The following FYN variants were observed in gnomAD, a reference collection of about 807,000 sequenced individuals.
The protein encoded by FYN is tyrosine-protein kinase Fyn.
FYN carries 10 observed loss-of-function variants against 70.2 expected under a neutral mutation model. The ratio of observed to expected loss-of-function variants is 0.14; its 90% CI spans 0.09 to 0.24. The LOEUF is 0.24. Among genes scored for constraint, FYN ranks in the 10% least tolerant of loss-of-function variants. FYN has a pLI of 1.00. For missense variants in FYN, 319 were observed against 673.1 expected (o/e 0.47, Z 5.82); for synonymous variants, 236 against 248.6 (o/e 0.95, Z 0.48).
intron 2 of FYN, among the ~76,000 whole-genome samples, chr6:111,831,176 C>T (rs1162438147): frequency 6.6e-6 from 1 of 152,146 alleles, no homozygotes; most frequent in African/African-American, 2.4e-5. Context: ...AAATCCTCAA[C>T]ACTTGATGGA....
At chr6:111,862,669 T>C (rs1773996033) in intron 1 of FYN, among the ~76,000 whole-genome samples, 1 of 152,182 alleles carries the variant, frequency 6.6e-6, no homozygotes, top group Non-Finnish European at 1.5e-5. Context: ...TAAGCTAAAG[T>C]AGTAACCGGA....
At chr6:111,760,520 G>A (rs1802956405) in intron 3 of FYN, among the ~76,000 whole-genome samples, 1 of 152,162 alleles carries the variant, frequency 6.6e-6, no homozygotes, top group African/African-American at 2.4e-5. Flanking sequence ...ATGCAAAATG[G>A]CAAACCAGCT....
intron 13 of FYN, among the ~76,000 whole-genome samples, chr6:111,669,041 T>A (rs576266146): frequency 6.6e-6 from 1 of 152,188 alleles, no homozygotes; most frequent in Non-Finnish European, 1.5e-5. Context: ...TTTCCCTTAT[T>A]TCTTCAGGTC....
chr6:111,782,361 G>A (rs969738331), intron 2 of FYN, among the ~76,000 whole-genome samples: 2 of 152,078 alleles, frequency 1.3e-5, no homozygotes, highest in Non-Finnish European at 2.9e-5. Flanking sequence ...GTCCATCCAC[G>A]GGTAATGGTG....
In FYN at chr6:111,773,553, C is replaced by T. The variant is rs191638163; in HGVS notation, c.-12+7013G>A. 7.2e-4 allele frequency among the ~76,000 whole-genome samples: 13 copies of T among 18,116 alleles called. No individual in the cohort carries two copies. In the East Asian group the frequency reaches 0.014, roughly 19 times the overall value. The allele number at this position is 18,116 out of a possible 152,430, so 11.9% of individuals were successfully genotyped here. Reference sequence around the variant, plus strand: ...GGGGAGAGGGAGAGGGAGAGGGAGACGCAGAGGAGGGAGAGGGAGAGGGGG... The same window carrying T: ...GGGGAGAGGGAGAGGGAGAGGGAGATGCAGAGGAGGGAGAGGGAGAGGGGG... On this transcript the variant is annotated intron_variant, in intron 3 of 13. Transcript: ENST00000354650.
At chr6:111,750,775 T>C (rs906115135) in intron 3 of FYN, among the ~76,000 whole-genome samples, 3 of 151,764 alleles carry the variant, frequency 2.0e-5, no homozygotes, top group African/African-American at 7.3e-5. Context: ...TTGACTGAAT[T>C]GCTGAAACAA....
intron 3 of FYN, among the ~76,000 whole-genome samples, chr6:111,766,772 G>C (rs914318842): frequency 6.6e-6 from 1 of 152,132 alleles, no homozygotes; most frequent in African/African-American, 2.4e-5. Flanking sequence ...GCAGCACGGG[G>C]GTAACTGCCC....
intron 2 of FYN, among the ~76,000 whole-genome samples, chr6:111,836,165 G>A (rs922666374): frequency 3.3e-5 from 5 of 152,198 alleles, no homozygotes; most frequent in African/African-American, 1.2e-4. Flanking sequence ...CTGGTTGTGA[G>A]GAAAGAGAAA....
intron 3 of FYN, among the ~76,000 whole-genome samples, chr6:111,726,186 C>G (rs1264121865): frequency 6.6e-6 from 1 of 152,184 alleles, no homozygotes; most frequent in African/African-American, 2.4e-5. Context: ...CAGAGAATCC[C>G]CTCCGTGCCT....
chr6:111,808,454 TA>T (rs1772221357), intron 2 of FYN, among the ~76,000 whole-genome samples: 1 of 152,132 alleles, frequency 6.6e-6, no homozygotes, highest in Non-Finnish European at 1.5e-5. Flanking sequence ...CTGACAGGGA[TA>T]GTGACCCCAT....
chr6:111,694,618 C>A lies in FYN; in HGVS notation c.1119+10G>T. 1 of 1,613,864 alleles carries A rather than the reference C, an allele frequency of 6.2e-7. No individual in the cohort carries two copies. The highest frequency in any genetic ancestry group is 8.5e-7 in the Non-Finnish European group (1 of 1,179,844). ...ATCTATGGCACATCAAGTTACCCTG[C>A]AGGGCCTACCTGTGCTGCCATGTCC... is the stretch of plus-strand genomic sequence containing the variant. On this transcript the variant is annotated intron_variant, in intron 11 of 13. Coordinates refer to ENST00000354650, the MANE Select transcript of FYN (RefSeq NM_002037.5). This position sits in a 1 kb window ranked among gnomAD's most constrained non-coding sequence, Gnocchi z 5.0.
chr6:111,845,899 T>G (rs1163055140), intron 2 of FYN, among the ~76,000 whole-genome samples: 7 of 152,108 alleles, frequency 4.6e-5, no homozygotes. Flanking sequence ...AGAGAAAGAA[T>G]GCATTCACAG....
intron 1 of FYN, among the ~76,000 whole-genome samples, chr6:111,851,350 CCT>C (rs980135314): frequency 5.9e-5 from 9 of 152,126 alleles, no homozygotes; most frequent in Non-Finnish European, 8.8e-5. Context: ...ATATGAAACC[CCT>C]GTTATGATAC....
At chr6:111,720,794 A>G (rs1800899495) in intron 3 of FYN, among the ~76,000 whole-genome samples, 1 of 152,184 alleles carries the variant, frequency 6.6e-6, no homozygotes, top group Non-Finnish European at 1.5e-5. Context: ...AACATTAAAA[A>G]AAAATCATTC....
At chr6:111,805,422 G>C (rs73527779) in intron 2 of FYN, among the ~76,000 whole-genome samples, 5,559 of 152,068 alleles carry the variant, frequency 0.037, 239 homozygotes, top group African/African-American at 0.11. Context: ...AATTTAACTG[G>C]GTGTCCTATA....
chr6:111,824,006 C>T (rs1379361439), intron 2 of FYN, among the ~76,000 whole-genome samples: 1 of 152,176 alleles, frequency 6.6e-6, no homozygotes, highest in African/African-American at 2.4e-5. Flanking sequence ...TACATAAAGT[C>T]ATCAGCTGTG....
At chr6:111,790,247 TACACACACACACACACACACAC>T (rs61565042) in intron 2 of FYN, among the ~76,000 whole-genome samples, 50 of 125,954 alleles carry the variant, frequency 4.0e-4, no homozygotes, top group East Asian at 1.2e-3. Flanking sequence ...GAACCTTAGA[TACACACACACACACACACACAC>T]ACACACACAC....
intron 2 of FYN, among the ~76,000 whole-genome samples, chr6:111,787,632 A>G (rs555677780): frequency 3.6e-4 from 55 of 152,220 alleles, no homozygotes; most frequent in Non-Finnish European, 6.9e-4. Context: ...TAGGCATTTA[A>G]TATCTGTTGA....
rs1583420746 is a variant in FYN, at chr6:111,764,195, T to C, written c.-12+16371A>G. 7.3e-5 allele frequency among the ~76,000 whole-genome samples: 4 copies of C among 54,892 alleles called. No homozygotes were observed. In the Admixed American group the frequency reaches 1.0e-3, roughly 14 times the overall value. The allele number at this position is 54,892 out of a possible 152,430, so 36.0% of individuals were successfully genotyped here. A position where few individuals can be genotyped will look rare whatever the true frequency, so the allele number is the denominator to read the frequency against. ...TGAATAAAATGTTAAAAAAGAAAAT[T>C]GGTCACTGGATTTTGTCAAGCAAAA... On this transcript the variant is annotated intron_variant, in intron 3 of 13. Transcript: ENST00000354650.
Sources: gnomAD v4.1 joint callset for allele counts (sites outside exome capture counted in the v4.1 genomes callset) on GRCh38, gnomAD v4.1.1 for gene constraint, Gnocchi (gnomAD v3.1) non-coding constraint, MANE v1.5 for transcripts, NCBI Gene and HGNC (gene_info 2026-07-23, HGNC 2026-07-21) for gene names.